DACH2: variants seen among roughly 807,000 people sequenced by gnomAD.
The protein encoded by DACH2 is dachshund family transcription factor 2.
A neutral mutation model predicts 35.8 loss-of-function variants in DACH2; 17 were observed. That is an observed-to-expected ratio of 0.48 (90% CI 0.33 to 0.71). The LOEUF is 0.71. Ranked by LOEUF, DACH2 falls within the 30% of genes least tolerant of loss-of-function variation. The pLI is 0.02. For synonymous variants in DACH2, 195 were observed against 177.3 expected (o/e 1.10, Z -0.79); for missense variants, 469 against 472.7 (o/e 0.99, Z 0.07).
At chrX:86,827,352 T>C (rs190941436) in intron 11 of DACH2, among the ~76,000 whole-genome samples, 24 of 111,519 alleles carry the variant, frequency 2.2e-4, no homozygotes, top group Non-Finnish European at 1.9e-4. Context: ...ATGCCTTGCT[T>C]ATTAAGCTAG....
At chrX:86,658,422 G>A (rs1178701205) in intron 4 of DACH2, among the ~76,000 whole-genome samples, 1 of 111,436 alleles carries the variant, frequency 9.0e-6, no homozygotes, top group Non-Finnish European at 1.9e-5. Flanking sequence ...AAATATAGGA[G>A]TTAGAATATT....
At chrX:86,388,496 T>C (rs2036154311) in intron 2 of DACH2, among the ~76,000 whole-genome samples, 1 of 111,615 alleles carries the variant, frequency 9.0e-6, no homozygotes, top group Non-Finnish European at 1.9e-5. Flanking sequence ...GGTAAACTTT[T>C]CAGTTTCTAG....
intron 3 of DACH2, among the ~76,000 whole-genome samples, chrX:86,522,353 C>A (rs1214976080): frequency 9.0e-6 from 1 of 111,472 alleles, no homozygotes; most frequent in Non-Finnish European, 1.9e-5. Context: ...AAGTAATCAA[C>A]ATATTAATTA....
At chrX:86,307,778 A>G (rs2034719434) in intron 1 of DACH2, among the ~76,000 whole-genome samples, 1 of 111,195 alleles carries the variant, frequency 9.0e-6, no homozygotes, top group East Asian at 2.8e-4. Context: ...CTACACTTGA[A>G]AACAACTGTC....
chrX:86,275,373 T>C (rs767271010), intron 1 of DACH2, among the ~76,000 whole-genome samples: 14 of 111,887 alleles, frequency 1.3e-4, no homozygotes, highest in Non-Finnish European at 2.1e-4. Context: ...ATCATTTAAA[T>C]TGAAATTTTG....
intron 1 of DACH2, among the ~76,000 whole-genome samples, chrX:86,251,384 G>T (rs184344529): frequency 1.6e-3 from 179 of 110,624 alleles, no homozygotes; most frequent in Non-Finnish European, 3.1e-3. Flanking sequence ...GGTGGTATTT[G>T]GTTACATGAG....
chrX:86,689,709 A>G (rs2040988786), intron 4 of DACH2, among the ~76,000 whole-genome samples: 1 of 111,877 alleles, frequency 8.9e-6, no homozygotes, highest in Non-Finnish European at 1.9e-5. Flanking sequence ...AAATAATCTG[A>G]CTTATATGTT....
chrX:86,238,797 GCTTT>G (rs2033107859), intron 1 of DACH2, among the ~76,000 whole-genome samples: 1 of 111,063 alleles, frequency 9.0e-6, no homozygotes, highest in Non-Finnish European at 1.9e-5. Flanking sequence ...TCAGTTGTAT[GCTTT>G]CTTTTTGTGT....
intron 3 of DACH2, among the ~76,000 whole-genome samples, chrX:86,523,411 T>G (rs2038586417): frequency 9.0e-6 from 1 of 111,683 alleles, no homozygotes; most frequent in Admixed American, 9.5e-5. Flanking sequence ...ACATTCTCAG[T>G]TTAAAAAAAA....
At chrX:86,662,430 AATACT>A (rs2040615130) in intron 4 of DACH2, among the ~76,000 whole-genome samples, 1 of 110,798 alleles carries the variant, frequency 9.0e-6, no homozygotes, top group Non-Finnish European at 1.9e-5. Context: ...TGACACTACT[AATACT>A]AAAAATACAA....
chrX:86,257,494 A>G (rs1249416342), intron 1 of DACH2, among the ~76,000 whole-genome samples: 2 of 111,120 alleles, frequency 1.8e-5, no homozygotes, highest in Non-Finnish European at 3.8e-5. Context: ...TGCAGCCTCC[A>G]GCTCCTGGGC....
At chrX:86,274,554 G>A (rs1033975925) in intron 1 of DACH2, among the ~76,000 whole-genome samples, 4 of 87,152 alleles carry the variant, frequency 4.6e-5, no homozygotes, top group African/African-American at 1.9e-4. Context: ...GAGAGCAGTG[G>A]CGTGATCTCG....
At chrX:86,536,659 G>A (rs2369273) in intron 3 of DACH2, among the ~76,000 whole-genome samples, 15,250 of 111,098 alleles carry the variant, frequency 0.14, 902 homozygotes, top group East Asian at 0.24. Flanking sequence ...ATCCACCAAT[G>A]ACCTGGAATT....
intron 5 of DACH2, among the ~76,000 whole-genome samples, chrX:86,703,828 A>T (rs2041174537): frequency 8.9e-6 from 1 of 112,148 alleles, no homozygotes; most frequent in Admixed American, 9.4e-5. Context: ...AACAAATGGA[A>T]AAACATTCCA....
intron 2 of DACH2, among the ~76,000 whole-genome samples, chrX:86,476,525 G>A (rs1220893213): frequency 9.0e-6 from 1 of 110,887 alleles, no homozygotes; most frequent in Non-Finnish European, 1.9e-5. Context: ...TTATTTATTT[G>A]GATCTTGTCT....
intron 1 of DACH2, among the ~76,000 whole-genome samples, chrX:86,158,976 T>C (rs1331913176): frequency 8.9e-6 from 1 of 111,820 alleles, no homozygotes; most frequent in Non-Finnish European, 1.9e-5. Context: ...ATAAAACATG[T>C]ATTTCCACTT....
chrX:86,287,701 T>A (rs1414176783), intron 1 of DACH2, among the ~76,000 whole-genome samples: 1 of 112,314 alleles, frequency 8.9e-6, no homozygotes, highest in Non-Finnish European at 1.9e-5. Context: ...AGTGTGCCAA[T>A]TACATTTTTT....
chrX:86,515,878 C>T (rs1024388486), intron 3 of DACH2, among the ~76,000 whole-genome samples: 9 of 112,426 alleles, frequency 8.0e-5, no homozygotes, highest in Non-Finnish European at 1.5e-4. Flanking sequence ...TCCGTTGCTA[C>T]TGTCCAAAGG....
intron 2 of DACH2, among the ~76,000 whole-genome samples, chrX:86,462,394 T>C (rs747202777): frequency 9.0e-6 from 1 of 111,622 alleles, no homozygotes; most frequent in Non-Finnish European, 1.9e-5. Flanking sequence ...AAATTAATAG[T>C]AGATAATAAA....
Sources: gnomAD v4.1 joint callset for allele counts (sites outside exome capture counted in the v4.1 genomes callset) on GRCh38, gnomAD v4.1.1 for gene constraint, MANE v1.5 for transcripts, NCBI Gene and HGNC (gene_info 2026-07-23, HGNC 2026-07-21) for gene names.